Variants in CSMD1 observed in about 807,000 individuals in gnomAD.
CSMD1 encodes CUB and sushi domain-containing protein 1.
In CSMD1, 213 loss-of-function variants were observed where a neutral mutation model predicts 417.5. The observed-to-expected ratio is 0.51, with a 90% confidence interval of 0.46 to 0.57. CSMD1 has a LOEUF of 0.57. Ranked by LOEUF, CSMD1 falls within the 20% of genes least tolerant of loss-of-function variation. The pLI is 0.00. For synonymous variants in CSMD1, 2,862 were observed against 1,736.8 expected, an observed-to-expected ratio of 1.65 and a Z score of -16.11; for missense variants, 6,923 against 4,529.7, an observed-to-expected ratio of 1.53 and a Z score of -15.17.
At chr8:4,456,115 A>G (rs1406797436) in intron 2 of CSMD1, among the ~76,000 whole-genome samples, 4 of 150,800 alleles carry the variant, frequency 2.7e-5, no homozygotes, top group Non-Finnish European at 4.4e-5. Flanking sequence ...TTAAAATAAG[A>G]AGGACATTAT....
chr8:3,979,101 A>G (rs2130160942), intron 5 of CSMD1, among the ~76,000 whole-genome samples: 1 of 152,360 alleles, frequency 6.6e-6, no homozygotes, highest in East Asian at 1.9e-4. Context: ...TAGCCAGTGC[A>G]TTTAGAGAGC....
At chr8:4,887,797 A>G (rs778202852) in intron 1 of CSMD1, among the ~76,000 whole-genome samples, 30 of 151,768 alleles carry the variant, frequency 2.0e-4, no homozygotes, top group Admixed American at 6.6e-4. Flanking sequence ...CTTCGTTTCT[A>G]GTGACACTTT....
intron 8 of CSMD1, among the ~76,000 whole-genome samples, chr8:3,589,280 C>A (rs538817802): frequency 2.6e-5 from 4 of 152,068 alleles, no homozygotes; most frequent in Admixed American, 6.6e-5. Context: ...GAAGAGATAT[C>A]TGCACTCTCA....
intron 53 of CSMD1, among the ~76,000 whole-genome samples, chr8:2,998,797 T>C (rs974405544): frequency 6.6e-6 from 1 of 152,212 alleles, no homozygotes; most frequent in African/African-American, 2.4e-5. Flanking sequence ...GGGAGAGATA[T>C]CCATCATTCA....
chr8:3,913,519 A>T (rs2954623), intron 5 of CSMD1, among the ~76,000 whole-genome samples: 31,025 of 151,988 alleles, frequency 0.2, 3,805 homozygotes, highest in African/African-American at 0.33. Context: ...TGTTTCAGAA[A>T]GGATGGAGCG....
At chr8:4,565,485 C>A (rs1176079743) in intron 2 of CSMD1, among the ~76,000 whole-genome samples, 11 of 152,008 alleles carry the variant, frequency 7.2e-5, no homozygotes, top group African/African-American at 2.7e-4. Flanking sequence ...CACCTGTAAT[C>A]CCAGCACTTA....
intron 2 of CSMD1, among the ~76,000 whole-genome samples, chr8:4,579,920 G>C (rs1473503449): frequency 6.6e-6 from 1 of 152,068 alleles, no homozygotes; most frequent in Non-Finnish European, 1.5e-5. Flanking sequence ...TTTAACTCCA[G>C]ATGCATAGCT....
At chr8:4,148,902 G>C (rs956994679) in intron 3 of CSMD1, among the ~76,000 whole-genome samples, 1 of 151,970 alleles carries the variant, frequency 6.6e-6, no homozygotes, top group Non-Finnish European at 1.5e-5. Context: ...TCCCAACATA[G>C]TTCACCATCA....
At chr8:4,213,346 A>C (rs1294728931) in intron 3 of CSMD1, among the ~76,000 whole-genome samples, 2 of 152,104 alleles carry the variant, frequency 1.3e-5, no homozygotes, top group African/African-American at 4.8e-5. Context: ...GAGTTTCTCA[A>C]GGGCCGTGCA....
intron 5 of CSMD1, among the ~76,000 whole-genome samples, chr8:3,767,229 C>G (rs1798321655): frequency 6.6e-6 from 1 of 152,208 alleles, no homozygotes; most frequent in African/African-American, 2.4e-5. Context: ...TGGACTGAGG[C>G]CAAAGAGCAG....
chr8:4,183,556 G>C (rs533296412), intron 3 of CSMD1, among the ~76,000 whole-genome samples: 3 of 152,298 alleles, frequency 2.0e-5, no homozygotes, highest in Admixed American at 1.3e-4. Flanking sequence ...GTCAGAGACA[G>C]ACATTCCTTT....
intron 5 of CSMD1, among the ~76,000 whole-genome samples, chr8:3,948,749 A>C (rs971110923): frequency 1.3e-5 from 2 of 152,172 alleles, no homozygotes; most frequent in African/African-American, 4.8e-5. Flanking sequence ...AATCAGCTAG[A>C]AAAGATGAGC....
intron 12 of CSMD1, among the ~76,000 whole-genome samples, chr8:3,416,162 G>T (rs1300703059): frequency 6.2e-5 from 4 of 64,590 alleles, no homozygotes; most frequent in Non-Finnish European, 1.4e-4. Flanking sequence ...TTAGCCGGGC[G>T]TGTTGGGGGG....
chr8:3,716,443 C>G (rs1439147410), intron 6 of CSMD1, among the ~76,000 whole-genome samples: 2 of 152,170 alleles, frequency 1.3e-5, no homozygotes, highest in South Asian at 2.1e-4. Context: ...ATTATTCATG[C>G]CTCCCTTTTT....
chr8:3,806,965 G>C (rs953855106), intron 5 of CSMD1, among the ~76,000 whole-genome samples: 8 of 152,104 alleles, frequency 5.3e-5, no homozygotes, highest in African/African-American at 1.9e-4. Context: ...TGCTTAATCT[G>C]ATGATTTATT....
chr8:4,761,843 CTATCTATCTATCT>C lies in CSMD1; in HGVS notation c.86-124298_86-124286del, dbSNP rs1812092791. Among the ~76,000 whole-genome samples, 152 of 69,876 alleles carry C rather than the reference CTATCTATCTATCT, an allele frequency of 2.2e-3. 1 individual carries two copies. Among genetic ancestry groups the C allele is most frequent in the African/African-American group, 5.9e-3 (147 of 24,888 alleles). The allele number at this position is 69,876 out of a possible 152,430, so 45.8% of individuals were successfully genotyped here. A position where few individuals can be genotyped will look rare whatever the true frequency, so the allele number is the denominator to read the frequency against. ...TAGCAAAATAGTACCATGCATCTAT[CTATCTATCTATCT>C]ATCTATCTATCTATCTATCTATCTA... is the stretch of plus-strand genomic sequence containing the variant. On this transcript the variant is annotated intron_variant, in intron 1 of 69. Transcript: ENST00000635120.
chr8:4,435,649 G>T (rs1038077842), intron 2 of CSMD1, among the ~76,000 whole-genome samples: 8 of 152,168 alleles, frequency 5.3e-5, no homozygotes, highest in African/African-American at 1.9e-4. Context: ...CTCCCTGGGG[G>T]AAGGGGATTT....
chr8:4,093,568 T>G (rs534352764), intron 3 of CSMD1, among the ~76,000 whole-genome samples: 4 of 152,196 alleles, frequency 2.6e-5, no homozygotes, highest in Non-Finnish European at 5.9e-5. Context: ...GAACACCACA[T>G]TGAAAAAAAG....
chr8:3,208,312 G>T (rs1797417429), intron 30 of CSMD1, among the ~76,000 whole-genome samples: 1 of 152,152 alleles, frequency 6.6e-6, no homozygotes, highest in South Asian at 2.1e-4. Flanking sequence ...CTGTCACCAG[G>T]CTGGAGTGCA....
Sources: gnomAD v4.1 joint callset for allele counts (sites outside exome capture counted in the v4.1 genomes callset) on GRCh38, gnomAD v4.1.1 for gene constraint, MANE v1.5 for transcripts, NCBI Gene and HGNC (gene_info 2026-07-23, HGNC 2026-07-21) for gene names.